Variants in ZNF618 observed in about 807,000 individuals in gnomAD.
ZNF618 encodes the protein zinc finger protein 618, also known as neural precursor cell expressed, developmentally down-regulated 10.
Under a neutral mutation model 103.0 loss-of-function variants are expected in ZNF618, and 34 were observed. The ratio of observed to expected loss-of-function variants is 0.33; its 90% confidence interval spans 0.25 to 0.44. The LOEUF (loss-of-function observed/expected upper bound fraction) is 0.44. ZNF618 is among the 20% of genes least tolerant of loss of function. ZNF618 has a pLI of 1.00. For synonymous variants in ZNF618, 551 were observed against 542.2 expected, an observed-to-expected ratio of 1.02 and a Z score of -0.23; for missense variants, 1,059 against 1,295.4, an observed-to-expected ratio of 0.82 and a Z score of 2.80.
At chr9:113,908,159 G>GA (rs77909649) in intron 1 of ZNF618, among the ~76,000 whole-genome samples, 5,534 of 152,298 alleles carry the variant, frequency 0.036, 568 homozygotes, top group East Asian at 0.3. Flanking sequence ...TTTGGCTTGG[G>GA]AAAGTTCAGT....
At chr9:114,026,893 G>C (rs977601255) in intron 10 of ZNF618, among the ~76,000 whole-genome samples, 10 of 152,228 alleles carry the variant, frequency 6.6e-5, no homozygotes, top group Admixed American at 4.6e-4. Flanking sequence ...GCCGAGAGAG[G>C]GGAGGTATAG....
chr9:113,877,525 GT>G (rs879560750), intron 1 of ZNF618, among the ~76,000 whole-genome samples: 41 of 145,166 alleles, frequency 2.8e-4, no homozygotes, highest in African/African-American at 3.0e-4. Flanking sequence ...AAAAATTGTA[GT>G]TTTTTTTTTT....
chr9:113,917,533 C>T (rs762746281), intron 1 of ZNF618, among the ~76,000 whole-genome samples: 1 of 151,682 alleles, frequency 6.6e-6, no homozygotes, highest in African/African-American at 2.4e-5. Flanking sequence ...GGGTTATAGG[C>T]GTGAGCCACC....
At position 114,019,271 on chromosome 9, in the gene ZNF618, CT is replaced by C. The variant is rs1208269021; in HGVS notation, c.844+2490del. On this transcript the variant is annotated intron_variant, in intron 10 of 14. Transcript: ENST00000374126. Reference sequence around the variant, plus strand: ...ACCTGTTAATTTGGGTTGTTTCCAGCTTTAGGCTATTATAAATAAAGCTGCT... The same window carrying C: ...ACCTGTTAATTTGGGTTGTTTCCAGCTTAGGCTATTATAAATAAAGCTGCT... Among the ~76,000 whole-genome samples the C allele has an allele frequency of 3.3e-5, 5 of 152,232 alleles. No individual in the cohort carries two copies. In the East Asian group the frequency reaches 9.6e-4, roughly 29 times the overall value.
chr9:114,002,584 C>T lies in ZNF618; in HGVS notation c.512-40C>T, dbSNP rs142045445. On this transcript the variant is annotated intron_variant, in intron 5 of 14. Coordinates refer to ENST00000374126, the MANE Select transcript of ZNF618 (RefSeq NM_001318042.2). The stretch of plus-strand genomic sequence containing the variant: ...CTTGGCACTGGCCCTGTCATTGGCC[C>T]GGTAGCCCCACCCCCATCCCTCTCT... The T allele has an allele frequency of 7.9e-5, 126 of 1,599,318 alleles. No homozygotes were observed. In the East Asian group the frequency reaches 2.1e-3, roughly 27 times the overall value.
rs143474745 is a variant in ZNF618 at position 113,964,386 on chromosome 9, G to A, written c.34-4731G>A. On this transcript the variant is annotated intron_variant, in intron 1 of 14. Coordinates refer to ENST00000374126, the MANE Select transcript of ZNF618 (RefSeq NM_001318042.2). ...TTATGGGCGCCCCAGCATTCTTTCC[G>A]CCGCTGAACAGCTGTATAACAAATG... 3.2e-4 allele frequency among the ~76,000 whole-genome samples: 48 copies of A among 152,138 alleles called. No homozygotes were observed. In the East Asian group the frequency reaches 8.7e-3, roughly 28 times the overall value.
chr9:114,012,139 C>T (rs1168993229), intron 9 of ZNF618, among the ~76,000 whole-genome samples: 2 of 152,024 alleles, frequency 1.3e-5, no homozygotes, highest in Non-Finnish European at 2.9e-5. Flanking sequence ...GAAGACCATT[C>T]TGTTTGACAA....
intron 10 of ZNF618, among the ~76,000 whole-genome samples, chr9:114,021,289 A>G (rs902385413): frequency 6.6e-6 from 1 of 152,136 alleles, no homozygotes; most frequent in Non-Finnish European, 1.5e-5. Flanking sequence ...ATATGTATAC[A>G]TTGTGGAATA....
At chr9:114,036,695 C>T (rs1238196127) in intron 13 of ZNF618, among the ~76,000 whole-genome samples, 4 of 152,072 alleles carry the variant, frequency 2.6e-5, no homozygotes, top group African/African-American at 9.7e-5. Context: ...AGCCTGGAAG[C>T]GAAATGTGCA....
At chr9:113,955,426 G>A (rs1250490616) in intron 1 of ZNF618, among the ~76,000 whole-genome samples, 1 of 151,958 alleles carries the variant, frequency 6.6e-6, no homozygotes, top group South Asian at 2.1e-4. Flanking sequence ...TTCTTCATGG[G>A]CCTCTCATTT....
At chr9:113,894,611 T>G (rs13285566) in intron 1 of ZNF618, among the ~76,000 whole-genome samples, 33,780 of 152,204 alleles carry the variant, frequency 0.22, 3,971 homozygotes, top group Non-Finnish European at 0.25. Flanking sequence ...GTCTGTTTCT[T>G]TATTCATTCA....
intron 1 of ZNF618, among the ~76,000 whole-genome samples, chr9:113,945,644 G>T (rs557584716): frequency 6.6e-6 from 1 of 152,236 alleles, no homozygotes; most frequent in South Asian, 2.1e-4. Context: ...GGGCTAGGGC[G>T]TCAGCCCCTG....
intron 1 of ZNF618, among the ~76,000 whole-genome samples, chr9:113,893,422 T>C (rs920429886): frequency 1.3e-5 from 2 of 152,208 alleles, no homozygotes; most frequent in African/African-American, 4.8e-5. Flanking sequence ...TCTAGTGATA[T>C]TATAGAGAAA....
intron 1 of ZNF618, among the ~76,000 whole-genome samples, chr9:113,940,358 C>A (rs1834435660): frequency 6.6e-6 from 1 of 152,014 alleles, no homozygotes; most frequent in African/African-American, 2.4e-5. Flanking sequence ...AAAAATACAT[C>A]AAACTGGTTA....
chr9:113,979,213 C>CTGGTGGGAGAATGAAGGCTCCTGAACTGT (rs1588216818), intron 2 of ZNF618, among the ~76,000 whole-genome samples: 1 of 152,246 alleles, frequency 6.6e-6, no homozygotes, highest in East Asian at 1.9e-4. Context: ...TCCAGAACCG[C>CTGGTGGGAGAATGAAGGCTCCTGAACTGT]TGGTGGGAGA....
chr9:113,924,924 G>C (rs187816450), intron 1 of ZNF618, among the ~76,000 whole-genome samples: 1 of 151,754 alleles, frequency 6.6e-6, no homozygotes. Flanking sequence ...TCTCGTTAGG[G>C]TGCTCTTTTG....
chr9:113,924,417 TCTTCTTC>T (rs1832895303), intron 1 of ZNF618, among the ~76,000 whole-genome samples: 10 of 147,284 alleles, frequency 6.8e-5, no homozygotes, highest in African/African-American at 1.8e-4. Context: ...TTCTTCTTCT[TCTTCTTC>T]TTTTTTTTTT....
Position 113,917,371 on chromosome 9 carries a change from G to A in ZNF618, c.33+40958G>A, listed in dbSNP as rs375234753. On this transcript the variant is annotated intron_variant, in intron 1 of 14. Transcript: ENST00000374126. Reference sequence around the variant, plus strand: ...ACTGATCCTCCTACCTCAGCCTCCCGTGTAGGGAGGGACTACAGGCGTGTG... The same window carrying A: ...ACTGATCCTCCTACCTCAGCCTCCCATGTAGGGAGGGACTACAGGCGTGTG... Among the ~76,000 whole-genome samples the A allele has an allele frequency of 1.3e-4, 19 of 148,774 alleles. No individual in the cohort carries two copies. The East Asian group carries it at 1.6e-3, about 13-fold the overall frequency.
rs764612964 is a variant in ZNF618, at chr9:114,048,966, C to G, written c.1664C>G (p.Ser555Cys). Residue 555 changes from serine (S) to cysteine (C), a missense_variant, in exon 15 of 15, where the codon TCC (serine) becomes TGC (cysteine). Ser to Cys is a moderately radical substitution (Grantham distance 112). Around this residue, in one of 6 missense-constraint regions of ZNF618, gnomAD observed 272 missense variants for 380.1 expected, o/e 0.72. Coordinates refer to ENST00000374126, the MANE Select transcript of ZNF618 (RefSeq NM_001318042.2). ...ACLGIGVTCH[S>C]QSVGPDSCYI... The stretch of plus-strand genomic sequence containing the variant: ...CTAGGCATCGGTGTCACCTGCCACT[C>G]CCAGAGTGTTGGCCCTGACTCCTGC... 1 of 1,612,612 alleles carries G rather than the reference C, an allele frequency of 6.2e-7. No individual in the cohort carries two copies. Among genetic ancestry groups the G allele is most frequent in the Non-Finnish European group, 8.5e-7 (1 of 1,179,272 alleles).
Sources: allele counts gnomAD v4.1 joint callset (sites outside exome capture counted in the v4.1 genomes callset), GRCh38; gene constraint gnomAD v4.1.1; regional missense constraint gnomAD v4.1.1; transcripts MANE v1.5; gene names NCBI Gene and HGNC (gene_info 2026-07-23, HGNC 2026-07-21).